The following RP1 variants were observed in gnomAD, a reference collection of about 807,000 sequenced individuals.
RP1 encodes the protein RP1 axonemal microtubule associated.
RP1 carries 16 observed loss-of-function variants against 14.8 expected under a neutral mutation model. The ratio of observed to expected loss-of-function variants is 1.08; its 90% confidence interval spans 0.73 to 1.65. The LOEUF is 1.65. Among genes scored for constraint, RP1 ranks in the 40% most tolerant of loss-of-function variants. RP1 has a pLI of 0.00. For synonymous variants in RP1, 876 were observed against 883.6 expected, an observed-to-expected ratio of 0.99 and a Z score of 0.15; for missense variants, 2,631 against 2,535.0, an observed-to-expected ratio of 1.04 and a Z score of -0.81.
intron 7 of RP1, among the ~76,000 whole-genome samples, chr8:54,665,726 T>C (rs1807001430): frequency 6.6e-6 from 1 of 152,182 alleles, no homozygotes; most frequent in Non-Finnish European, 1.5e-5. Context: ...AGCTGGAGAC[T>C]TGTTCTATCT....
chr8:54,637,028 T>C lies in RP1; in HGVS notation c.788-11957T>C, dbSNP rs1806361895. ...GCACCAGTCTGCACAATGGGCTCTG[T>C]CCTGTCACCCTTCCAGGAGGCATGG... On this transcript the variant is annotated intron_variant, in intron 3 of 22. Transcript: ENST00000636932. Among the ~76,000 whole-genome samples, 3 of 152,296 alleles carry C rather than the reference T, an allele frequency of 2.0e-5. No individual in the cohort carries two copies. In the South Asian group the frequency reaches 6.2e-4, roughly 32 times the overall value.
chr8:54,599,792 C>T (rs1805233203), intron 1 of RP1, among the ~76,000 whole-genome samples: 1 of 152,108 alleles, frequency 6.6e-6, no homozygotes, highest in African/African-American at 2.4e-5. Context: ...TTTCCTTGTT[C>T]TTGGTATGAT....
chr8:54,844,833 C>A (rs979316714), intron 25 of RP1, among the ~76,000 whole-genome samples: 1 of 152,110 alleles, frequency 6.6e-6, no homozygotes, highest in Non-Finnish European at 1.5e-5. Flanking sequence ...ATTGAGAAAT[C>A]TTGGATAGTT....
At chr8:54,672,917 CT>C (rs1807210512) in intron 7 of RP1, among the ~76,000 whole-genome samples, 1 of 152,102 alleles carries the variant, frequency 6.6e-6, no homozygotes, top group Non-Finnish European at 1.5e-5. Context: ...TCGTAATTAT[CT>C]TTTATTGCAT....
chr8:54,573,402 A>G (rs187067772), intron 1 of RP1, among the ~76,000 whole-genome samples: 129 of 152,346 alleles, frequency 8.5e-4, no homozygotes, highest in African/African-American at 2.7e-3. Flanking sequence ...GTTTAGTCTC[A>G]TTTAATATTA....
intron 7 of RP1, chr8:54,663,983 T>C (rs1398094483): frequency 1.2e-6 from 1 of 864,070 alleles, no homozygotes; most frequent in East Asian, 3.1e-5. Context: ...CACATTTCTG[T>C]GCAACAGATC....
At chr8:54,854,928 A>G (rs943681301) in intron 26 of RP1, among the ~76,000 whole-genome samples, 2 of 152,240 alleles carry the variant, frequency 1.3e-5, no homozygotes, top group Admixed American at 1.3e-4. Context: ...ATTTATTTTA[A>G]CCATTTTGAA....
chr8:54,610,500 T>G (rs1178204186), intron 1 of RP1, among the ~76,000 whole-genome samples: 1 of 152,240 alleles, frequency 6.6e-6, no homozygotes, highest in Non-Finnish European at 1.5e-5. Context: ...ATGCCTTTAG[T>G]ATACTTAAGA....
chr8:54,724,634 A>G (rs1233727265), intron 16 of RP1, among the ~76,000 whole-genome samples: 21 of 152,092 alleles, frequency 1.4e-4, no homozygotes, highest in Non-Finnish European at 1.5e-5. Flanking sequence ...GCTACAATTC[A>G]GAGTATTGTA....
intron 2 of RP1, among the ~76,000 whole-genome samples, 159 bp downstream of exon 2, chr8:54,621,740 G>A (rs1805885787): frequency 6.6e-6 from 1 of 152,086 alleles, no homozygotes; most frequent in East Asian, 1.9e-4. Context: ...TTGTTCCTTT[G>A]TCAGAATCTG....
intron 12 of RP1, among the ~76,000 whole-genome samples, chr8:54,696,200 G>T (rs1306365631): frequency 6.6e-6 from 1 of 151,964 alleles, no homozygotes; most frequent in Non-Finnish European, 1.5e-5. Flanking sequence ...TAGTAAAGCA[G>T]GTAATTAAAT....
intron 1 of RP1, chr8:54,560,801 C>T (rs1804269630): frequency 6.6e-6 from 1 of 151,810 alleles, no homozygotes; most frequent in Non-Finnish European, 1.5e-5. Flanking sequence ...GTCTGACAGG[C>T]CTAGAGCTTG....
chr8:54,738,982 A>T, exon 19 of RP1: 1 of 1,529,770 alleles, frequency 6.5e-7, no homozygotes, highest in South Asian at 1.2e-5. Flanking sequence ...TAAGATAAGG[A>T]TAGGACATGA....
intron 7 of RP1, among the ~76,000 whole-genome samples, chr8:54,665,724 A>G (rs1807001382): frequency 6.6e-6 from 1 of 152,124 alleles, no homozygotes; most frequent in African/African-American, 2.4e-5. Flanking sequence ...TCAGCTGGAG[A>G]CTTGTTCTAT....
intron 15 of RP1, among the ~76,000 whole-genome samples, chr8:54,709,152 C>T (rs183068258): frequency 1.3e-5 from 2 of 152,238 alleles, no homozygotes; most frequent in Admixed American, 6.5e-5. Context: ...AACTGGTTTT[C>T]CCCCATGAGG....
chr8:54,737,502 T>G (rs1808962549), intron 18 of RP1, among the ~76,000 whole-genome samples: 1 of 152,170 alleles, frequency 6.6e-6, no homozygotes, highest in African/African-American at 2.4e-5. Flanking sequence ...AGAGACAAAC[T>G]AGCCTCAAAC....
At chr8:54,778,676 A>G (rs1321086849) in intron 23 of RP1, among the ~76,000 whole-genome samples, 2 of 152,030 alleles carry the variant, frequency 1.3e-5, no homozygotes, top group African/African-American at 4.8e-5. Flanking sequence ...TTCACTAGTG[A>G]GAGGAGAGAG....
At chr8:54,726,762 C>T (rs1016431515) in intron 17 of RP1, among the ~76,000 whole-genome samples, 3 of 148,454 alleles carry the variant, frequency 2.0e-5, no homozygotes, top group Non-Finnish European at 4.5e-5. Flanking sequence ...CTATCACCTA[C>T]AAAATATTTT....
At chr8:54,747,436 T>G (rs1375073153) in intron 19 of RP1, among the ~76,000 whole-genome samples, 1 of 152,240 alleles carries the variant, frequency 6.6e-6, no homozygotes, top group Non-Finnish European at 1.5e-5. Context: ...TTATATTTGT[T>G]CATAGTCCGA....
Sources: allele counts gnomAD v4.1 joint callset (sites outside exome capture counted in the v4.1 genomes callset), GRCh38; gene constraint gnomAD v4.1.1; transcripts MANE v1.5; gene names NCBI Gene and HGNC (gene_info 2026-07-23, HGNC 2026-07-21).